Variants in VRTN observed in about 807,000 individuals in gnomAD.
The protein encoded by VRTN is vertebrae development associated.
In VRTN, 5 loss-of-function variants were observed where a neutral mutation model predicts 18.2. That is an observed-to-expected ratio of 0.27 (90% confidence interval 0.14 to 0.58). VRTN has a LOEUF of 0.58. VRTN is among the 20% of genes least tolerant of loss of function. The pLI is 0.91. For missense variants in VRTN, 741 were observed against 939.4 expected (o/e 0.79, Z 2.76); for synonymous variants, 381 against 393.7 (o/e 0.97, Z 0.38).
At position 74,332,335 on chromosome 14, in the gene VRTN, G is replaced by GTTTTTTTT. The variant is rs67857502; in HGVS notation, c.-163-5354_-163-5347dup. ...CCTCCGGAGGATCGACTCCTAATCT[G>GTTTTTTTT]TTTTTTTTTTTTTTTTTTTTTTTTT... On this transcript the variant is annotated intron_variant, in intron 1 of 2. Transcript: ENST00000557177. Among the ~76,000 whole-genome samples, 7 of 39,540 alleles carry GTTTTTTTT rather than the reference G, an allele frequency of 1.8e-4. 2 individuals are homozygous for GTTTTTTTT. Among genetic ancestry groups the GTTTTTTTT allele is most frequent in the Non-Finnish European group, 3.5e-4 (7 of 20,016 alleles). 25.9% of individuals were successfully genotyped at this position (39,540 alleles called of 152,430 possible). A position where few individuals can be genotyped will look rare whatever the true frequency, so the allele number is the denominator to read the frequency against.
At chr14:74,319,374 G>T (rs2085438151) in intron 1 of VRTN, among the ~76,000 whole-genome samples, 1 of 152,174 alleles carries the variant, frequency 6.6e-6, no homozygotes, top group South Asian at 2.1e-4. Flanking sequence ...TGACAATAGA[G>T]ACAATCAGAT....
intron 1 of VRTN, among the ~76,000 whole-genome samples, chr14:74,310,787 C>T (rs2085383248): frequency 6.6e-6 from 1 of 152,056 alleles, no homozygotes; most frequent in South Asian, 2.1e-4. Context: ...ATCCGCCCAC[C>T]TTGGCCTCCC....
intron 1 of VRTN, among the ~76,000 whole-genome samples, chr14:74,327,932 G>T (rs1488978895): frequency 6.6e-6 from 1 of 152,016 alleles, no homozygotes; most frequent in Non-Finnish European, 1.5e-5. Flanking sequence ...TGTTGGCCGG[G>T]CTGGTCGCGA....
In VRTN at chr14:74,332,092, G is replaced by GA. The variant is rs200796141; in HGVS notation, c.-163-5623dup. 1.4e-3 allele frequency among the ~76,000 whole-genome samples: 208 copies of GA among 151,734 alleles called. 1 individual carries two copies. In the Middle Eastern group the frequency reaches 0.024, roughly 17 times the overall value. Reference sequence around the variant, plus strand: ...GCCTGAAGTTGAAGCCACACCATGGGAAAAAAAAGGAAGGTCCCATCTCTG... The same window carrying GA: ...GCCTGAAGTTGAAGCCACACCATGGGAAAAAAAAAGGAAGGTCCCATCTCTG... On this transcript the variant is annotated intron_variant, in intron 1 of 2. Coordinates refer to the VRTN transcript ENST00000557177.
rs751845952 is a variant in VRTN, at chr14:74,357,599, G to A, written c.816G>A (p.Glu272=). The A allele has an allele frequency of 1.2e-6, 2 of 1,614,038 alleles. No homozygotes were observed. Among genetic ancestry groups the A allele is most frequent in the South Asian group, 1.1e-5 (1 of 91,082 alleles). ...APLSSPAKTL[E]LLNREPGLSY... ...TCTCATCGCCGGCCAAGACCCTGGA[G>A]CTGCTCAACCGTGAACCTGGCCTCA... The change falls in exon 2 of 2, where the codon GAG becomes GAA. Residue 272 remains glutamate, a synonymous_variant. Coordinates refer to ENST00000256362, the MANE Select transcript of VRTN (RefSeq NM_018228.3). The surrounding 1 kb of genome is among the most constrained non-coding windows in gnomAD (Gnocchi z 7.8).
intron 1 of VRTN, among the ~76,000 whole-genome samples, chr14:74,351,671 G>GGTTAT (rs2085685630): frequency 6.6e-6 from 1 of 151,488 alleles, no homozygotes; most frequent in Non-Finnish European, 1.5e-5. Flanking sequence ...GTAGAGATGG[G>GGTTAT]GTTATGTTAT....
rs187356647 is a variant in VRTN at position 74,330,741 on chromosome 14, G to A, written c.-163-6982G>A. Among the ~76,000 whole-genome samples, 191 of 151,684 alleles carry A rather than the reference G, an allele frequency of 1.3e-3. 5 individuals carry two copies. The East Asian group carries it at 0.023, about 18-fold the overall frequency. Reference sequence around the variant, plus strand: ...CAGGCGTGAGCCACCGCGCCCAACAGCAGTATCAGACTTTCTGACTACACC... The same window carrying A: ...CAGGCGTGAGCCACCGCGCCCAACAACAGTATCAGACTTTCTGACTACACC... On this transcript the variant is annotated intron_variant, in intron 1 of 2. Transcript: ENST00000557177.
intron 1 of VRTN, among the ~76,000 whole-genome samples, chr14:74,323,868 A>G (rs2085471066): frequency 6.6e-6 from 1 of 152,134 alleles, no homozygotes. Context: ...AAAATTATTC[A>G]TTATTTATAT....
chr14:74,328,183 A>G (rs933885910), intron 1 of VRTN, among the ~76,000 whole-genome samples: 1 of 152,066 alleles, frequency 6.6e-6, no homozygotes, highest in Non-Finnish European at 1.5e-5. Flanking sequence ...ATCAAAAGGT[A>G]CCCTGCAGGG....
intron 1 of VRTN, among the ~76,000 whole-genome samples, chr14:74,354,863 T>C (rs2085713431): frequency 6.6e-6 from 1 of 151,758 alleles, no homozygotes; most frequent in Non-Finnish European, 1.5e-5. Flanking sequence ...TTGTTAGGGC[T>C]GGGCGTGACG....
chr14:74,341,448 C>G (rs552546816), intron 2 of VRTN, among the ~76,000 whole-genome samples: 15 of 152,276 alleles, frequency 9.9e-5, no homozygotes, highest in African/African-American at 3.6e-4. Flanking sequence ...ACTTACACAA[C>G]CCCTGGAAAG....
chr14:74,342,704 C>T (rs531380983), intron 2 of VRTN, among the ~76,000 whole-genome samples: 2 of 151,758 alleles, frequency 1.3e-5, no homozygotes, highest in African/African-American at 4.8e-5. Flanking sequence ...GTGGTGTGAT[C>T]ACAGCTCACT....
chr14:74,310,137 C>T (rs2085377887), intron 1 of VRTN, among the ~76,000 whole-genome samples: 1 of 152,146 alleles, frequency 6.6e-6, no homozygotes, highest in South Asian at 2.1e-4. Flanking sequence ...ATGGCTCACG[C>T]CTGTAATCCC....
chr14:74,323,481 G>A (rs972349300), intron 1 of VRTN, among the ~76,000 whole-genome samples: 3 of 152,032 alleles, frequency 2.0e-5, no homozygotes, highest in Non-Finnish European at 4.4e-5. Context: ...CTACTCAGGA[G>A]GCTGAGGCAG....
intron 1 of VRTN, among the ~76,000 whole-genome samples, chr14:74,319,882 A>G (rs945168257): frequency 1.3e-5 from 2 of 152,156 alleles, no homozygotes; most frequent in African/African-American, 2.4e-5. Context: ...GGAGATGGAG[A>G]AGGAGCAGCC....
intron 1 of VRTN, among the ~76,000 whole-genome samples, chr14:74,322,894 G>C (rs1351706255): frequency 6.6e-6 from 1 of 152,230 alleles, no homozygotes; most frequent in African/African-American, 2.4e-5. Context: ...AGCACCTTGA[G>C]AGGCCAAGGT....
intron 2 of VRTN, among the ~76,000 whole-genome samples, chr14:74,340,151 T>G (rs530344126): frequency 1.3e-5 from 2 of 151,284 alleles, no homozygotes; most frequent in East Asian, 3.9e-4. Context: ...TTGCTCTTGT[T>G]GCCCAGGCTG....
chr14:74,330,241 A>G (rs572569078), intron 1 of VRTN, among the ~76,000 whole-genome samples: 87 of 152,096 alleles, frequency 5.7e-4, no homozygotes, highest in African/African-American at 2.1e-3. Flanking sequence ...ACACTTTTCT[A>G]AAGAAATGGA....
chr14:74,305,098 G>C (rs893160553), intron 1 of VRTN, among the ~76,000 whole-genome samples: 1 of 152,084 alleles, frequency 6.6e-6, no homozygotes, highest in African/African-American at 2.4e-5. Context: ...TTTGGAGGCC[G>C]AAGCAGGCAA....
Sources: gnomAD v4.1 joint callset for allele counts (sites outside exome capture counted in the v4.1 genomes callset) on GRCh38, gnomAD v4.1.1 for gene constraint, Gnocchi (gnomAD v3.1) non-coding constraint, MANE v1.5 for transcripts, NCBI Gene and HGNC (gene_info 2026-07-23, HGNC 2026-07-21) for gene names.